Variants in RHBDD3 observed in about 807,000 individuals in gnomAD.
RHBDD3 encodes rhomboid domain-containing protein 3.
A neutral mutation model predicts 32.3 loss-of-function variants in RHBDD3; 34 were observed. That is an observed-to-expected ratio of 1.05 (90% CI 0.80 to 1.40). The LOEUF (loss-of-function observed/expected upper bound fraction) is 1.40, where lower values mean the gene tolerates loss of function less well. Ranked by LOEUF, RHBDD3 falls within the 40% of genes most tolerant of loss-of-function variation. The pLI is 0.00. For missense variants in RHBDD3, 482 were observed against 492.6 expected, an observed-to-expected ratio of 0.98 and a Z score of 0.20; for synonymous variants, 249 against 239.1, an observed-to-expected ratio of 1.04 and a Z score of -0.38.
Position 29,259,993 on chromosome 22 carries a change from G to T in RHBDD3, c.*67C>A. ...CCCTCTTTAGACAGAGTAGGAGCTC[G>T]GGCTACCCACATGCAGCCCAGCCCT... On this transcript the variant is annotated 3_prime_UTR_variant, in exon 7 of 7. Coordinates refer to ENST00000216085, the MANE Select transcript of RHBDD3 (RefSeq NM_012265.3). 6.7e-7 allele frequency: 1 copy of T among 1,490,838 alleles called. No homozygotes were observed. The allele number at this position is 1,490,838 out of a possible 1,614,324, so 92.4% of individuals were successfully genotyped here.
In RHBDD3 at chr22:29,260,331, AGAG is replaced by A. The variant is rs2058096566; in HGVS notation, c.975_977del (p.Ser326del). ...CTCTGCCCACCCCACCTTACCGCAG[AGAG>A]GAGACAGAGGACTTGGACAGCCATG... On this transcript the variant is annotated inframe_deletion, in exon 6 of 7. Transcript: ENST00000216085. The A allele has an allele frequency of 1.1e-5, 17 of 1,608,052 alleles. No homozygotes were observed. The East Asian group carries it at 3.8e-4, about 36-fold the overall frequency.
chr22:29,265,400 T>C (rs2058164588), intron 3 of RHBDD3, 79 bp downstream of exon 3: 2 of 1,271,982 alleles, frequency 1.6e-6, no homozygotes, highest in African/African-American at 1.6e-5. Context: ...CTGGAGGCCT[T>C]GTGCTGCTCC....
At chr22:29,265,753 AT>A in intron 2 of RHBDD3, 85 bp from the exon 3 acceptor site, 1 of 1,325,574 alleles carries the variant, frequency 7.5e-7, no homozygotes, top group Non-Finnish European at 9.9e-7. Context: ...CAACAGCCCT[AT>A]TTTACAGAGG....
chr22:29,264,249 T>C (rs1334987763), intron 3 of RHBDD3, 31 bp from the exon 4 acceptor site: 1 of 1,496,478 alleles, frequency 6.7e-7, no homozygotes, highest in South Asian at 1.4e-5. Context: ...ATGTGCCAGG[T>C]TAGTGGCCCC....
intron 2 of RHBDD3, among the ~76,000 whole-genome samples, chr22:29,267,011 G>T (rs1324315543): frequency 1.3e-5 from 2 of 152,196 alleles, no homozygotes; most frequent in African/African-American, 2.4e-5. Context: ...TAGGCAGGTG[G>T]TCTGAGCTCA....
chr22:29,265,474 C>G lies in RHBDD3; in HGVS notation c.148+5G>C, dbSNP rs2058165379. 1.3e-6 allele frequency: 2 copies of G among 1,524,748 alleles called. No homozygotes were observed. Among genetic ancestry groups the G allele is most frequent in the African/African-American group, 2.9e-5 (2 of 69,572 alleles). The allele number at this position is 1,524,748 out of a possible 1,614,324, so 94.5% of individuals were successfully genotyped here. Reference sequence around the variant, plus strand: ...TCCTCCAAGGTCCACGTGGCTGGCCCTCACCCTGCCAGGGGTCCAGCAACA... The same window carrying G: ...TCCTCCAAGGTCCACGTGGCTGGCCGTCACCCTGCCAGGGGTCCAGCAACA... On this transcript the variant is annotated splice_donor_5th_base_variant and intron_variant, in intron 3 of 6. Coordinates refer to ENST00000216085, the MANE Select transcript of RHBDD3 (RefSeq NM_012265.3).
At chr22:29,268,153 A>T (rs1489198485), upstream of RHBDD3, 9 of 707,788 alleles carry the variant, frequency 1.3e-5, no homozygotes, top group Non-Finnish European at 2.3e-5. Flanking sequence ...TTTAGAGAGG[A>T]CTGGGACAAG....
Position 29,260,019 on chromosome 22 carries a change from T to A in RHBDD3, c.*41A>T. On this transcript the variant is annotated 3_prime_UTR_variant, in exon 7 of 7. Coordinates refer to ENST00000216085, the MANE Select transcript of RHBDD3 (RefSeq NM_012265.3). ...GGCTACCCACATGCAGCCCAGCCCT[T>A]AGCACCCAAGGGCCTGCCTGTGCCC... is the stretch of plus-strand genomic sequence containing the variant. 1 of 1,542,044 alleles carries A rather than the reference T, an allele frequency of 6.5e-7. No homozygotes were observed. The highest frequency in any genetic ancestry group is 8.7e-7 in the Non-Finnish European group (1 of 1,143,230).
chr22:29,262,772 T>C (rs1488025952), intron 4 of RHBDD3, among the ~76,000 whole-genome samples: 1 of 152,248 alleles, frequency 6.6e-6, no homozygotes. Flanking sequence ...AGCAGCGCTA[T>C]CTTGGCTCAC....
rs2058262433 is a variant in RHBDD3, at chr22:29,267,923, G to A, written c.-370C>T. ...TTCCCCGCGGCCCGCGGATTAGTCA[G>A]CAGTTGTTCTAGTCCGGGTCCCTTC... On this transcript the variant is annotated 5_prime_UTR_variant, in exon 1 of 7. Transcript: ENST00000216085. 7.6e-6 allele frequency: 2 copies of A among 262,648 alleles called. No homozygotes were observed. The highest frequency in any genetic ancestry group is 2.1e-5 in the African/African-American group (1 of 46,544). 16.3% of individuals were successfully genotyped at this position (262,648 alleles called of 1,614,324 possible).
chr22:29,263,912 AGCAGCCACGGCGACAGCCACGGTG>A lies in RHBDD3; in HGVS notation c.431_454del (p.Pro144_Leu151del). The A allele has an allele frequency of 6.5e-7, 1 of 1,548,716 alleles. No individual in the cohort carries two copies. Among genetic ancestry groups the A allele is most frequent in the East Asian group, 2.4e-5 (1 of 40,840 alleles). ...GCTGAGCAGTGGGGTCAGGGCAAGC[AGCAGCCACGGCGACAGCCACGGTG>A]GCAGTGCCCCACGGGGCCGTCTAGG... On this transcript the variant is annotated inframe_deletion, in exon 4 of 7. Coordinates refer to ENST00000216085, the MANE Select transcript of RHBDD3 (RefSeq NM_012265.3).
chr22:29,263,718 G>T, intron 4 of RHBDD3, 117 bp downstream of exon 4: 1 of 1,427,008 alleles, frequency 7.0e-7, no homozygotes, highest in South Asian at 1.5e-5. Context: ...CCTGGAATGT[G>T]TGTGCACGGC....
rs781288944 is a variant in RHBDD3, at chr22:29,260,683, T to G, written c.695+19A>C. 5.2e-6 allele frequency: 8 copies of G among 1,552,948 alleles called. No homozygotes were observed. The Admixed American group carries it at 9.5e-5, about 18-fold the overall frequency. On this transcript the variant is annotated intron_variant, in intron 5 of 6. Coordinates refer to ENST00000216085, the MANE Select transcript of RHBDD3 (RefSeq NM_012265.3). ...ACAGTGCCCACCACCTGGACTGGCA[T>G]CCCCCCCATCACCCTCACCTCACTC...
chr22:29,266,606 A>T (rs558722924), intron 2 of RHBDD3, among the ~76,000 whole-genome samples: 2 of 152,090 alleles, frequency 1.3e-5, no homozygotes, highest in East Asian at 1.9e-4. Flanking sequence ...GCCCTCAAAC[A>T]TGGCCTTTCC....
chr22:29,265,804 T>TA (rs1303557826), intron 2 of RHBDD3, 136 bp from the exon 3 acceptor site: 8 of 846,058 alleles, frequency 9.5e-6, no homozygotes, highest in Non-Finnish European at 1.4e-5. Context: ...AGCTTGGCCT[T>TA]AGTGGAGCTC....
Position 29,260,859 on chromosome 22 carries a change from C to G in RHBDD3, c.538G>C (p.Ala180Pro), listed in dbSNP as rs2058107948. The G allele has an allele frequency of 6.3e-7, 1 of 1,579,554 alleles. No homozygotes were observed. The highest frequency in any genetic ancestry group is 8.6e-7 in the Non-Finnish European group (1 of 1,166,602). Residue 180 changes from alanine to proline, a missense_variant, in exon 5 of 7, where the codon GCT (alanine) becomes CCT (proline). Physicochemically the swap from Ala to Pro is conservative, Grantham distance 27 (BLOSUM62 -1). Coordinates refer to ENST00000216085, the MANE Select transcript of RHBDD3 (RefSeq NM_012265.3). ...GGTTCCAGCCACCGGAAGGCCCCAG[C>G]TGCATCTGTCTGCCCGGGGCAGGGC... Reference protein sequence around the residue: ...CGLLAGLAYAAGAFRWLEPSE... With the variant: ...CGLLAGLAYAPGAFRWLEPSE...
At chr22:29,262,756 G>A (rs1329952799) in intron 4 of RHBDD3, among the ~76,000 whole-genome samples, 2 of 152,200 alleles carry the variant, frequency 1.3e-5, no homozygotes, top group Admixed American at 6.5e-5. Flanking sequence ...GCCCAGGCTG[G>A]AGTGCAGCAG....
Position 29,262,754 on chromosome 22 carries a change from T to C in RHBDD3, c.532+1081A>G, listed in dbSNP as rs1456712419. 3.3e-5 allele frequency among the ~76,000 whole-genome samples: 5 copies of C among 152,378 alleles called. 1 individual carries two copies. The highest frequency in any genetic ancestry group is 3.3e-4 in the Admixed American group (5 of 15,310). On this transcript the variant is annotated intron_variant, in intron 4 of 6. Coordinates refer to ENST00000216085, the MANE Select transcript of RHBDD3 (RefSeq NM_012265.3). ...GGAAGTCTCGCTCTCTCGCCCAGGCTGGAGTGCAGCAGCGCTATCTTGGCT... is the reference window on the plus strand; with the variant it reads ...GGAAGTCTCGCTCTCTCGCCCAGGCCGGAGTGCAGCAGCGCTATCTTGGCT...
At chr22:29,266,548 G>A (rs2058188992) in intron 2 of RHBDD3, among the ~76,000 whole-genome samples, 1 of 152,208 alleles carries the variant, frequency 6.6e-6, no homozygotes, top group Non-Finnish European at 1.5e-5. Context: ...CCATCGAGAA[G>A]GCCTCAATAT....
Sources: allele counts gnomAD v4.1 joint callset (sites outside exome capture counted in the v4.1 genomes callset), GRCh38; gene constraint gnomAD v4.1.1; transcripts MANE v1.5; gene names NCBI Gene and HGNC (gene_info 2026-07-23, HGNC 2026-07-21).